PTPN21: variants seen among roughly 807,000 people sequenced by gnomAD.
PTPN21 encodes the protein protein tyrosine phosphatase non-receptor type 21.
A neutral mutation model predicts 131.8 loss-of-function variants in PTPN21; 77 were observed. That is an observed-to-expected ratio of 0.58 (90% CI 0.49 to 0.71). The LOEUF (loss-of-function observed/expected upper bound fraction) is 0.71. Among genes scored for constraint, PTPN21 ranks in the 30% least tolerant of loss-of-function variants. The pLI, the probability that PTPN21 is intolerant of heterozygous loss-of-function variation, is 0.00. For synonymous variants in PTPN21, 715 were observed against 621.3 expected (o/e 1.15, Z -2.24); for missense variants, 1,552 against 1,527.1 (o/e 1.02, Z -0.27).
At position 88,480,343 on chromosome 14, in the gene PTPN21, A is replaced by T; in HGVS notation, c.1088T>A (p.Phe363Tyr). The change falls in exon 13 of 19, where the codon TTT (phenylalanine) becomes TAT (tyrosine). Residue 363 changes from phenylalanine (F) to tyrosine (Y), a missense_variant. Transcript: ENST00000556564. ...GTAGTATCCGTTCTGGTTGGGCACA[A>T]AGAGGTTATCTAGAAAAAATGAGTT... Reference protein sequence around the residue: ...EPYASSQDNLFVPNQNGYYCH... With the variant: ...EPYASSQDNLYVPNQNGYYCH... 6.2e-7 allele frequency: 1 copy of T among 1,608,996 alleles called. No homozygotes were observed. The highest frequency in any genetic ancestry group is 8.5e-7 in the Non-Finnish European group (1 of 1,176,330).
Position 88,467,572 on chromosome 14 carries a change from G to C in PTPN21, c.*565C>G, listed in dbSNP as rs1224885011. The C allele has an allele frequency of 6.6e-6, 1 of 152,232 alleles. No individual in the cohort carries two copies. The highest frequency in any genetic ancestry group is 2.4e-5 in the African/African-American group (1 of 41,422). 9.4% of individuals were successfully genotyped at this position (152,232 alleles called of 1,614,324 possible). Reference sequence around the variant, plus strand: ...CAAAATAACACAGATTCTCAGTATAGTTTTCAGTTTGGCAACTAAACCATT... The same window carrying C: ...CAAAATAACACAGATTCTCAGTATACTTTTCAGTTTGGCAACTAAACCATT... On this transcript the variant is annotated 3_prime_UTR_variant, in exon 19 of 19. Coordinates refer to ENST00000556564, the MANE Select transcript of PTPN21 (RefSeq NM_007039.4).
At position 88,493,249 on chromosome 14, in the gene PTPN21, A is replaced by G. The variant is rs1276413359; in HGVS notation, c.932+3164T>C. The G allele has an allele frequency of 3.6e-5, 12 of 334,926 alleles. No individual in the cohort carries two copies. The Admixed American group carries it at 5.2e-4, about 15-fold the overall frequency. 20.7% of individuals were successfully genotyped at this position (334,926 alleles called of 1,614,324 possible). A position where few individuals can be genotyped will look rare whatever the true frequency, so the allele number is the denominator to read the frequency against. ...ATTATTGTTATGAATTATTCAGGTC[A>G]TTGTTATAAAAGAGGTAGAAAAAAC... On this transcript the variant is annotated intron_variant, in intron 10 of 18. Transcript: ENST00000556564.
intron 2 of PTPN21, among the ~76,000 whole-genome samples, chr14:88,530,504 A>C (rs2078541167): frequency 7.4e-6 from 1 of 134,460 alleles, no homozygotes; most frequent in Admixed American, 7.3e-5. Context: ...AGAATGGATA[A>C]AAATCCACCA....
intron 3 of PTPN21, among the ~76,000 whole-genome samples, chr14:88,510,915 AT>A (rs34231515): frequency 2.0e-3 from 287 of 144,054 alleles, no homozygotes; most frequent in Admixed American, 2.4e-3. Context: ...AGACAGATAG[AT>A]TTTTTTTTTT....
intron 2 of PTPN21, among the ~76,000 whole-genome samples, chr14:88,548,432 T>C (rs1019524934): frequency 6.6e-6 from 1 of 152,172 alleles, no homozygotes; most frequent in Non-Finnish European, 1.5e-5. Flanking sequence ...CAGCCCTTGA[T>C]AGGACTCCCT....
At chr14:88,530,141 C>T (rs1252319478) in intron 2 of PTPN21, among the ~76,000 whole-genome samples, 1 of 152,108 alleles carries the variant, frequency 6.6e-6, no homozygotes, top group East Asian at 1.9e-4. Flanking sequence ...TTAAACAAAA[C>T]AATTATCAGC....
chr14:88,530,616 A>G (rs1315163028), intron 2 of PTPN21, among the ~76,000 whole-genome samples: 1 of 152,186 alleles, frequency 6.6e-6, no homozygotes, highest in Non-Finnish European at 1.5e-5. Context: ...AATGGAAACC[A>G]AAAGCAAGCA....
chr14:88,535,300 G>A (rs1023866694), intron 2 of PTPN21, among the ~76,000 whole-genome samples: 4 of 152,152 alleles, frequency 2.6e-5, no homozygotes, highest in African/African-American at 2.4e-5. Context: ...ATTGCCTAAC[G>A]AATTTCTTAG....
chr14:88,491,695 T>C (rs1212394722), intron 10 of PTPN21, among the ~76,000 whole-genome samples: 1 of 152,126 alleles, frequency 6.6e-6, no homozygotes, highest in East Asian at 1.9e-4. Flanking sequence ...CACAATGAAA[T>C]ATATTAGTTC....
At chr14:88,516,086 T>C (rs1200977570) in intron 3 of PTPN21, among the ~76,000 whole-genome samples, 2 of 152,172 alleles carry the variant, frequency 1.3e-5, no homozygotes, top group Non-Finnish European at 2.9e-5. Flanking sequence ...CTGTGTAAGA[T>C]ATCATTAAGT....
At chr14:88,484,719 T>C (rs2077707275) in intron 12 of PTPN21, among the ~76,000 whole-genome samples, 1 of 152,092 alleles carries the variant, frequency 6.6e-6, no homozygotes, top group Admixed American at 6.5e-5. Flanking sequence ...TGAAACCCCA[T>C]GTCTACTAAA....
Position 88,485,091 on chromosome 14 carries a change from A to G in PTPN21, c.1063T>C (p.Tyr355His), listed in dbSNP as rs2077713143. 1 of 1,601,286 alleles carries G rather than the reference A, an allele frequency of 6.2e-7. No individual in the cohort carries two copies. Among genetic ancestry groups the G allele is most frequent in the Non-Finnish European group, 8.6e-7 (1 of 1,168,426 alleles). Residue 355 changes from tyrosine to histidine, a missense_variant, in exon 12 of 19, where the codon TAT (tyrosine) becomes CAT (histidine). By Grantham distance (83) the Tyr-to-His change is moderately conservative (BLOSUM62 2). Coordinates refer to ENST00000556564, the MANE Select transcript of PTPN21 (RefSeq NM_007039.4). ...LHYNGHYTEP[Y>H]ASSQDNLFVP... ...TGTACTTTACCTTGGGAAGAAGCAT[A>G]TGGTTCTGTATAATGTCCATTATAG... is the stretch of plus-strand genomic sequence containing the variant.
rs192604546 is a variant in PTPN21, at chr14:88,527,276, G to C, written c.181-10015C>G. Among the ~76,000 whole-genome samples the C allele has an allele frequency of 2.0e-3, 299 of 152,288 alleles. 1 individual carries two copies. The highest frequency in any genetic ancestry group is 3.3e-3 in the Non-Finnish European group (224 of 68,020). On this transcript the variant is annotated intron_variant, in intron 2 of 18. Coordinates refer to ENST00000556564, the MANE Select transcript of PTPN21 (RefSeq NM_007039.4). ...GTACTAGTTTACATTCCCACTAGCA[G>C]TGTAAAAGTGTTCCCTTCTCACCAC... is the stretch of plus-strand genomic sequence containing the variant.
chr14:88,544,100 T>C (rs1213387728), intron 2 of PTPN21, among the ~76,000 whole-genome samples: 3 of 152,200 alleles, frequency 2.0e-5, no homozygotes, highest in Non-Finnish European at 4.4e-5. Context: ...ATCCCAGCAC[T>C]TTGGGAGGCC....
intron 2 of PTPN21, among the ~76,000 whole-genome samples, chr14:88,527,192 A>G (rs550854605): frequency 1.3e-5 from 2 of 152,354 alleles, no homozygotes; most frequent in East Asian, 1.9e-4. Context: ...TTGCTGGATC[A>G]AATGGTAGTT....
At chr14:88,490,685 C>T (rs535799160) in intron 10 of PTPN21, among the ~76,000 whole-genome samples, 5 of 152,312 alleles carry the variant, frequency 3.3e-5, no homozygotes, top group East Asian at 1.9e-4. Context: ...CAAAAGTCTC[C>T]GGAACCAAGG....
intron 10 of PTPN21, among the ~76,000 whole-genome samples, chr14:88,492,256 G>A (rs1340452287): frequency 6.6e-6 from 1 of 152,198 alleles, no homozygotes; most frequent in Non-Finnish European, 1.5e-5. Context: ...CCAACAGACT[G>A]CATTATCTAC....
At chr14:88,547,668 G>A (rs1049807490) in intron 2 of PTPN21, 2 of 455,464 alleles carry the variant, frequency 4.4e-6, no homozygotes, top group Non-Finnish European at 8.8e-6. Context: ...AAGAATAAAT[G>A]CAAGTAAGCA....
intron 2 of PTPN21, among the ~76,000 whole-genome samples, chr14:88,527,574 C>T (rs115890787): frequency 0.011 from 1,603 of 152,266 alleles, 29 homozygotes; most frequent in African/African-American, 0.037. Flanking sequence ...GTCAGATGCA[C>T]AGTTTGCAAG....
Sources: allele counts gnomAD v4.1 joint callset (sites outside exome capture counted in the v4.1 genomes callset), GRCh38; gene constraint gnomAD v4.1.1; transcripts MANE v1.5; gene names NCBI Gene and HGNC (gene_info 2026-07-23, HGNC 2026-07-21).